RAI1: variants seen among roughly 807,000 people sequenced by gnomAD.
RAI1 encodes retinoic acid induced 1, also known as retinoic acid-induced protein 1.
RAI1 carries 9 observed loss-of-function variants against 123.8 expected under a neutral mutation model. The observed-to-expected ratio is 0.07, with a 90% confidence interval of 0.04 to 0.13. The LOEUF (loss-of-function observed/expected upper bound fraction) is 0.13, where lower values mean the gene tolerates loss of function less well. Among genes scored for constraint, RAI1 ranks in the 10% least tolerant of loss-of-function variants. The probability of loss-of-function intolerance (pLI) is 1.00; values close to 1 mark genes in which losing one functional copy is unlikely to be tolerated. For missense variants in RAI1, 2,256 were observed against 2,545.8 expected, an observed-to-expected ratio of 0.89 and a Z score of 2.45; for synonymous variants, 1,231 against 1,127.3, an observed-to-expected ratio of 1.09 and a Z score of -1.84.
intron 2 of RAI1, among the ~76,000 whole-genome samples, chr17:17,758,593 G>C (rs1023834771): frequency 6.6e-6 from 1 of 152,344 alleles, no homozygotes; most frequent in East Asian, 1.9e-4. Context: ...CTGAGTGCCT[G>C]TTTCTCTGCA....
At chr17:17,757,442 C>A (rs1488165591) in intron 2 of RAI1, among the ~76,000 whole-genome samples, 1 of 152,136 alleles carries the variant, frequency 6.6e-6, no homozygotes, top group African/African-American at 2.4e-5. Context: ...CCCAGCCTGC[C>A]GTAGGGGTGG....
At chr17:17,687,698 C>T (rs1009111052) in intron 1 of RAI1, among the ~76,000 whole-genome samples, 1 of 152,136 alleles carries the variant, frequency 6.6e-6, no homozygotes, top group East Asian at 1.9e-4. Context: ...GGGTCAGTTT[C>T]CTCTTCTGTC....
chr17:17,787,280 A>C (rs1486753018), intron 2 of RAI1, among the ~76,000 whole-genome samples: 1 of 152,150 alleles, frequency 6.6e-6, no homozygotes, highest in Non-Finnish European at 1.5e-5. Context: ...TCGTGGGGGA[A>C]GGACAGGGGC....
intron 1 of RAI1, among the ~76,000 whole-genome samples, chr17:17,716,374 C>CATGTGT (rs1242906322): frequency 6.6e-6 from 1 of 152,246 alleles, no homozygotes; most frequent in Non-Finnish European, 1.5e-5. Context: ...CTTGCATGTG[C>CATGTGT]ATGTGTCATT....
chr17:17,797,256 G>A lies in RAI1; in HGVS notation c.4308G>A (p.Gln1436=), dbSNP rs746354411. The change falls in exon 3 of 6, where the codon CAG becomes CAA. Residue 1436 remains glutamine, a synonymous_variant. Coordinates refer to ENST00000353383, the MANE Select transcript of RAI1 (RefSeq NM_030665.4). ...CCTTCACATCCCCGGAGGCCCTGCA[G>A]CCTGGGGGGACTGCCCTGGCGCCTA... is the stretch of plus-strand genomic sequence containing the variant. ...TEAFTSPEAL[Q]PGGTALAPKK... 1 of 1,613,312 alleles carries A rather than the reference G, an allele frequency of 6.2e-7. No individual in the cohort carries two copies.
Position 17,797,303 on chromosome 17 carries a change from G to C in RAI1, c.4355G>C (p.Arg1452Pro). ...CCTAAGAAGAGGAGCCGGAAAGGCC[G>C]GGCAGGGGCCCATGGACTCTCCAAA... ...LAPKKRSRKG[R>P]AGAHGLSKGP... is the part of the protein sequence containing the mutation. The change falls in exon 3 of 6, where the codon CGG (arginine) becomes CCG (proline). Residue 1452 changes from arginine (R) to proline (P), a missense_variant. By Grantham distance (103) the Arg-to-Pro change is moderately radical. This residue lies in a region of RAI1 where 410 missense variants were observed against 374.6 expected (regional missense o/e 1.09). Transcript: ENST00000353383. The C allele has an allele frequency of 1.2e-6, 2 of 1,612,624 alleles. No individual in the cohort carries two copies. Among genetic ancestry groups the C allele is most frequent in the South Asian group, 2.2e-5 (2 of 91,066 alleles).
intron 1 of RAI1, chr17:17,684,471 T>G (rs1914551721): frequency 6.6e-6 from 1 of 152,014 alleles, no homozygotes; most frequent in Non-Finnish European, 1.5e-5. Flanking sequence ...CATCTATTCA[T>G]GCAACAAATG....
Position 17,808,784 on chromosome 17 carries a change from ATAGGCATACAG to A in RAI1, c.5660-601_5660-591del, listed in dbSNP as rs1384883559. ...TACACTCCCATCCTCAATCTCCATG[ATAGGCATACAG>A]TAGGTGGCATAATGCCCATTTTACA... is the stretch of plus-strand genomic sequence containing the variant. On this transcript the variant is annotated intron_variant, in intron 4 of 5. Transcript: ENST00000353383. 8.5e-5 allele frequency among the ~76,000 whole-genome samples: 13 copies of A among 152,322 alleles called. No individual in the cohort carries two copies. The East Asian group carries it at 2.5e-3, about 29-fold the overall frequency.
At chr17:17,686,854 G>C (rs1007821756) in intron 1 of RAI1, among the ~76,000 whole-genome samples, 3 of 152,028 alleles carry the variant, frequency 2.0e-5, no homozygotes, top group Admixed American at 1.3e-4. Context: ...GCCTTCCTTC[G>C]TCTGTCCAGC....
At chr17:17,716,520 G>A (rs1340815628) in intron 1 of RAI1, among the ~76,000 whole-genome samples, 2 of 152,206 alleles carry the variant, frequency 1.3e-5, no homozygotes, top group Admixed American at 6.5e-5. Context: ...CCTGAGGGGG[G>A]GACAGGGTTC....
At chr17:17,683,408 C>T (rs943914544) in intron 1 of RAI1, 2 of 152,384 alleles carry the variant, frequency 1.3e-5, no homozygotes, top group African/African-American at 4.8e-5. Context: ...GGGGGGCAGC[C>T]CTCGCTGCAG....
At position 17,796,308 on chromosome 17, in the gene RAI1, C is replaced by T; in HGVS notation, c.3360C>T (p.Asp1120=). The part of the protein sequence containing the change: ...SNPAALPVAS[D]SSPMGSKTKE... Reference sequence around the variant, plus strand: ...CGGCCGCCCTGCCTGTGGCCTCCGACAGCAGCCCGATGGGCTCCAAGACCA... The same window carrying T: ...CGGCCGCCCTGCCTGTGGCCTCCGATAGCAGCCCGATGGGCTCCAAGACCA... The change falls in exon 3 of 6, where the codon GAC becomes GAT. Residue 1120 remains aspartate, a synonymous_variant. Transcript: ENST00000353383. This position sits in a 1 kb window ranked among gnomAD's most constrained non-coding sequence, Gnocchi z 5.8. 3 of 1,609,746 alleles carry T rather than the reference C, an allele frequency of 1.9e-6. No individual in the cohort carries two copies. Among genetic ancestry groups the T allele is most frequent in the South Asian group, 2.2e-5 (2 of 90,990 alleles).
At position 17,794,836 on chromosome 17, in the gene RAI1, C is replaced by G. The variant is rs1184373480; in HGVS notation, c.1888C>G (p.Pro630Ala). 6.2e-7 allele frequency: 1 copy of G among 1,613,198 alleles called. No individual in the cohort carries two copies. Among genetic ancestry groups the G allele is most frequent in the East Asian group, 2.2e-5 (1 of 44,874 alleles). Residue 630 changes from proline to alanine, a missense_variant, in exon 3 of 6, where the codon CCC (proline) becomes GCC (alanine). Coordinates refer to ENST00000353383, the MANE Select transcript of RAI1 (RefSeq NM_030665.4). Reference protein sequence around the residue: ...EKADKAWAEAPSLVKDSSKPP... With the variant: ...EKADKAWAEAASLVKDSSKPP... ...GGCCGACAAAGCTTGGGCTGAAGCA[C>G]CCAGCCTGGTCAAGGACAGCAGCAA... is the stretch of plus-strand genomic sequence containing the variant.
Position 17,792,923 on chromosome 17 carries a change from C to G in RAI1, c.-16-10C>G, listed in dbSNP as rs750904492. On this transcript the variant is annotated splice_polypyrimidine_tract_variant and intron_variant, in intron 2 of 5. Transcript: ENST00000353383. Reference sequence around the variant, plus strand: ...TCCCTCCCTCCCTCCCTTCCTTTTTCTTTTCACAGATAACCAGCCCGAGTC... The same window carrying G: ...TCCCTCCCTCCCTCCCTTCCTTTTTGTTTTCACAGATAACCAGCCCGAGTC... The G allele has an allele frequency of 5.7e-6, 3 of 522,600 alleles. No homozygotes were observed. 32.4% of individuals were successfully genotyped at this position (522,600 alleles called of 1,614,324 possible).
chr17:17,802,814 T>C (rs147293948), intron 3 of RAI1, among the ~76,000 whole-genome samples: 20 of 152,138 alleles, frequency 1.3e-4, no homozygotes, highest in African/African-American at 4.8e-4. Flanking sequence ...CCAGGCGCTA[T>C]GTCTTACACC....
At chr17:17,759,756 C>T (rs1343058349) in intron 2 of RAI1, among the ~76,000 whole-genome samples, 1 of 152,220 alleles carries the variant, frequency 6.6e-6, no homozygotes, top group Non-Finnish European at 1.5e-5. Context: ...CCCACTGCTG[C>T]ACTCAGCACC....
intron 1 of RAI1, among the ~76,000 whole-genome samples, chr17:17,702,456 C>T (rs962436273): frequency 6.6e-6 from 1 of 152,194 alleles, no homozygotes; most frequent in African/African-American, 2.4e-5. Context: ...AGCAGTGACC[C>T]CATCAGGGCT....
intron 2 of RAI1, among the ~76,000 whole-genome samples, chr17:17,779,827 T>G (rs1479111084): frequency 6.9e-6 from 1 of 145,850 alleles, no homozygotes; most frequent in Non-Finnish European, 1.5e-5. Flanking sequence ...CAGGCTGGAG[T>G]GCAGTGGCGC....
rs72836886 is a variant in RAI1 at position 17,714,651 on chromosome 17, C to A, written c.-148-9377C>A. On this transcript the variant is annotated intron_variant, in intron 1 of 5. Transcript: ENST00000353383. The surrounding 1 kb of genome is among the most constrained non-coding windows in gnomAD (Gnocchi z 4.9). Reference sequence around the variant, plus strand: ...AAACGTAACGGGAAGCAGCTGGGTGCGAGCCTCCTGGCACACATTGTGGGA... The same window carrying A: ...AAACGTAACGGGAAGCAGCTGGGTGAGAGCCTCCTGGCACACATTGTGGGA... Among the ~76,000 whole-genome samples, 1 of 152,100 alleles carries A rather than the reference C, an allele frequency of 6.6e-6. No individual in the cohort carries two copies. Among genetic ancestry groups the A allele is most frequent in the Non-Finnish European group, 1.5e-5 (1 of 67,996 alleles).
Sources: gnomAD v4.1 joint callset for allele counts (sites outside exome capture counted in the v4.1 genomes callset) on GRCh38, gnomAD v4.1.1 for gene constraint, gnomAD v4.1.1 regional missense constraint, Gnocchi (gnomAD v3.1) non-coding constraint, MANE v1.5 for transcripts, NCBI Gene and HGNC (gene_info 2026-07-23, HGNC 2026-07-21) for gene names.